Variants in IL1RAPL2 observed in about 807,000 individuals in gnomAD.
The protein encoded by IL1RAPL2 is interleukin 1 receptor accessory protein like 2, also known as X-linked interleukin-1 receptor accessory protein-like 2.
In IL1RAPL2, 3 loss-of-function variants were observed where a neutral mutation model predicts 44.1. The ratio of observed to expected loss-of-function variants is 0.07; its 90% CI spans 0.03 to 0.18. The LOEUF (loss-of-function observed/expected upper bound fraction) is 0.18, where lower values mean the gene tolerates loss of function less well. Ranked by LOEUF, IL1RAPL2 falls within the 10% of genes least tolerant of loss-of-function variation. The pLI, the probability that IL1RAPL2 is intolerant of heterozygous loss-of-function variation, is 1.00. For synonymous variants in IL1RAPL2, 181 were observed against 178.8 expected (o/e 1.01, Z -0.10); for missense variants, 391 against 496.4 (o/e 0.79, Z 2.02).
At chrX:105,037,377 G>A (rs1314544286) in intron 2 of IL1RAPL2, among the ~76,000 whole-genome samples, 7 of 110,388 alleles carry the variant, frequency 6.3e-5, no homozygotes, top group Non-Finnish European at 1.1e-4. Flanking sequence ...TCACGGAAAA[G>A]ATAGAAAAAG....
intron 2 of IL1RAPL2, among the ~76,000 whole-genome samples, chrX:105,151,602 A>T (rs2033228501): frequency 9.1e-6 from 1 of 110,145 alleles, no homozygotes; most frequent in African/African-American, 3.3e-5. Context: ...CTAAAAGGAA[A>T]ACTCCACTTC....
chrX:104,636,462 A>G lies in IL1RAPL2; in HGVS notation c.-19-22433A>G, dbSNP rs146755036. Among the ~76,000 whole-genome samples the G allele has an allele frequency of 2.9e-3, 328 of 112,291 alleles. 1 individual carries two copies. Among genetic ancestry groups the G allele is most frequent in the African/African-American group, 9.9e-3 (306 of 30,895 alleles). ...AGAGGTGGAGTCTACAGATGCAGGC[A>G]GGTCTCCTTGAGCTGCGGTGGACTC... On this transcript the variant is annotated intron_variant, in intron 1 of 10. Transcript: ENST00000372582.
At chrX:104,632,018 A>T (rs1178100365) in intron 1 of IL1RAPL2, among the ~76,000 whole-genome samples, 1 of 111,302 alleles carries the variant, frequency 9.0e-6, no homozygotes, top group African/African-American at 3.3e-5. Flanking sequence ...TAATTTTTGT[A>T]TAAGGTGTAA....
At chrX:104,792,824 G>GA (rs775209435) in intron 2 of IL1RAPL2, among the ~76,000 whole-genome samples, 1 of 110,940 alleles carries the variant, frequency 9.0e-6, no homozygotes, top group East Asian at 2.8e-4. Flanking sequence ...AAAGAGAAAG[G>GA]AAAAAAAATT....
chrX:104,990,633 T>A (rs1030602130), intron 2 of IL1RAPL2, among the ~76,000 whole-genome samples: 11 of 111,828 alleles, frequency 9.8e-5, no homozygotes, highest in African/African-American at 2.9e-4. Flanking sequence ...AATCTTGTAA[T>A]GCTTTTGAAA....
At chrX:105,552,374 T>G (rs1432254436) in intron 6 of IL1RAPL2, among the ~76,000 whole-genome samples, 1 of 112,302 alleles carries the variant, frequency 8.9e-6, no homozygotes, top group Non-Finnish European at 1.9e-5. Context: ...CTAACCACAC[T>G]TGCATTTTCC....
intron 5 of IL1RAPL2, among the ~76,000 whole-genome samples, chrX:105,290,363 A>T (rs2034603547): frequency 9.0e-6 from 1 of 111,612 alleles, no homozygotes; most frequent in South Asian, 3.7e-4. Context: ...GGGAACCCAG[A>T]ACTCATCTTG....
chrX:104,585,289 ATAT>A (rs1216297157), intron 1 of IL1RAPL2, among the ~76,000 whole-genome samples: 206 of 15,236 alleles, frequency 0.014, 2 homozygotes, highest in African/African-American at 0.024. Context: ...ATTATATAAT[ATAT>A]TATATATTAT....
chrX:104,970,976 G>A (rs746183847), intron 2 of IL1RAPL2, among the ~76,000 whole-genome samples: 2 of 111,813 alleles, frequency 1.8e-5, no homozygotes, highest in Admixed American at 9.5e-5. Context: ...TAGAACTTTC[G>A]TAATATAGAA....
chrX:105,219,371 A>T (rs1056932651), intron 3 of IL1RAPL2: 2 of 1,211,138 alleles, frequency 1.7e-6, no homozygotes, highest in Admixed American at 2.2e-5. Context: ...GAGAAATAAG[A>T]TGTGGCTGTT....
At chrX:104,599,671 C>T (rs1199516699) in intron 1 of IL1RAPL2, among the ~76,000 whole-genome samples, 1 of 108,723 alleles carries the variant, frequency 9.2e-6, no homozygotes, top group African/African-American at 3.3e-5. Flanking sequence ...CACACACACA[C>T]ACACACACAC....
intron 2 of IL1RAPL2, among the ~76,000 whole-genome samples, chrX:104,900,584 T>C (rs926190549): frequency 2.7e-5 from 3 of 112,010 alleles, no homozygotes; most frequent in African/African-American, 9.7e-5. Flanking sequence ...TGACCTAGGC[T>C]GGGCTCTAAG....
intron 2 of IL1RAPL2, among the ~76,000 whole-genome samples, chrX:104,928,058 G>T (rs1450076148): frequency 9.0e-6 from 1 of 111,230 alleles, no homozygotes; most frequent in Non-Finnish European, 1.9e-5. Flanking sequence ...GTATTTATGG[G>T]GTATGTGAGA....
rs1200434991 is a variant in IL1RAPL2, at chrX:105,004,839, T to G, written c.83-190636T>G. ...CCCCTCTTTTACATGTTAAGAAGTT[T>G]CATCTGCACAATGTGAGATGATGTT... On this transcript the variant is annotated intron_variant, in intron 2 of 10. Transcript: ENST00000372582. 8.1e-5 allele frequency among the ~76,000 whole-genome samples: 9 copies of G among 111,012 alleles called. No homozygotes were observed. In the Admixed American group the frequency reaches 8.6e-4, roughly 11 times the overall value.
chrX:105,056,824 G>A (rs776258088), intron 2 of IL1RAPL2, among the ~76,000 whole-genome samples: 35 of 111,956 alleles, frequency 3.1e-4, no homozygotes, highest in Admixed American at 2.7e-3. Context: ...AAATTAGCTA[G>A]ACTATATTAC....
intron 2 of IL1RAPL2, among the ~76,000 whole-genome samples, chrX:105,043,500 C>T (rs1370008228): frequency 9.2e-6 from 1 of 108,982 alleles, no homozygotes; most frequent in Non-Finnish European, 1.9e-5. Flanking sequence ...GTTTCACTAC[C>T]TTCTTATGGC....
chrX:105,531,802 A>G (rs1177653318), intron 6 of IL1RAPL2, among the ~76,000 whole-genome samples: 3 of 111,627 alleles, frequency 2.7e-5, no homozygotes, highest in Non-Finnish European at 5.6e-5. Context: ...AGCACGATTT[A>G]TTGAAGACAC....
chrX:105,447,277 A>T (rs1365273553), intron 5 of IL1RAPL2, among the ~76,000 whole-genome samples: 15 of 49,590 alleles, frequency 3.0e-4, no homozygotes, highest in African/African-American at 1.2e-3. Flanking sequence ...AATATATATA[A>T]AATATATATA....
chrX:104,914,463 A>T (rs1251126894), intron 2 of IL1RAPL2, among the ~76,000 whole-genome samples: 2 of 112,345 alleles, frequency 1.8e-5, no homozygotes, highest in Non-Finnish European at 3.8e-5. Flanking sequence ...ACAACCATTT[A>T]AAATAATTTT....
Sources: gnomAD v4.1 joint callset for allele counts (sites outside exome capture counted in the v4.1 genomes callset) on GRCh38, gnomAD v4.1.1 for gene constraint, MANE v1.5 for transcripts, NCBI Gene and HGNC (gene_info 2026-07-23, HGNC 2026-07-21) for gene names.